Variants in LYPD6 observed in about 807,000 individuals in gnomAD.
The protein encoded by LYPD6 is LY6/PLAUR domain containing 6, also known as ly6/PLAUR domain-containing protein 6.
A neutral mutation model predicts 22.7 loss-of-function variants in LYPD6; 15 were observed. The observed-to-expected ratio is 0.66, with a 90% confidence interval of 0.44 to 1.02. The LOEUF is 1.02. Among genes scored for constraint, LYPD6 ranks in the 50% least tolerant of loss-of-function variants. The pLI is 0.00. For synonymous variants in LYPD6, 72 were observed against 77.5 expected (o/e 0.93, Z 0.37); for missense variants, 189 against 208.4 (o/e 0.91, Z 0.57).
At chr2:149,369,669 G>A (rs1451899946) in intron 1 of LYPD6, among the ~76,000 whole-genome samples, 1 of 152,074 alleles carries the variant, frequency 6.6e-6, no homozygotes, top group African/African-American at 2.4e-5. Context: ...CAGGAAGAGG[G>A]GTCAAAAAAG....
intron 2 of LYPD6, among the ~76,000 whole-genome samples, chr2:149,444,469 A>C (rs183200352): frequency 6.6e-6 from 1 of 152,220 alleles, no homozygotes; most frequent in African/African-American, 2.4e-5. Flanking sequence ...AAGATTTCTC[A>C]GTAGCATGTG....
chr2:149,398,401 G>A (rs1682472879), intron 1 of LYPD6, among the ~76,000 whole-genome samples: 2 of 141,826 alleles, frequency 1.4e-5, no homozygotes, highest in Non-Finnish European at 3.0e-5. Context: ...GATGGGAATA[G>A]CAAAGATGGC....
intron 1 of LYPD6, among the ~76,000 whole-genome samples, chr2:149,362,964 T>A (rs1681599024): frequency 6.6e-6 from 1 of 152,142 alleles, no homozygotes; most frequent in Admixed American, 6.5e-5. Flanking sequence ...ACCTCTTAGA[T>A]GAGGGTCAAT....
At chr2:149,398,012 T>G (rs1666365054) in intron 1 of LYPD6, among the ~76,000 whole-genome samples, 2 of 152,158 alleles carry the variant, frequency 1.3e-5, no homozygotes, top group South Asian at 4.1e-4. Context: ...AAAAAACAAC[T>G]AACTAGAATT....
At position 149,406,266 on chromosome 2, in the gene LYPD6, T is replaced by TGAGTTCAA. The variant is rs1682704957; in HGVS notation, c.-71-31371_-71-31364dup. Among the ~76,000 whole-genome samples the TGAGTTCAA allele has an allele frequency of 2.0e-5, 3 of 152,228 alleles. No homozygotes were observed. In the South Asian group the frequency reaches 6.2e-4, roughly 32 times the overall value. On this transcript the variant is annotated intron_variant, in intron 1 of 4. Coordinates refer to ENST00000334166, the MANE Select transcript of LYPD6 (RefSeq NM_194317.5). The stretch of plus-strand genomic sequence containing the variant: ...CTATTAGGTCCACTTGGTGCAGAGC[T>TGAGTTCAA]GAGTTCAATTCCTGGGTATCTTGTT...
chr2:149,400,411 TG>T (rs1273124450), intron 1 of LYPD6, among the ~76,000 whole-genome samples: 1 of 152,126 alleles, frequency 6.6e-6, no homozygotes, highest in Non-Finnish European at 1.5e-5. Flanking sequence ...GATAAAAGGA[TG>T]GGGGCAGGGT....
chr2:149,432,290 A>T (rs1477404340), intron 1 of LYPD6, among the ~76,000 whole-genome samples: 1 of 152,256 alleles, frequency 6.6e-6, no homozygotes, highest in Non-Finnish European at 1.5e-5. Flanking sequence ...CCACACACAA[A>T]CATGTACATG....
In LYPD6 at chr2:149,360,954, G is replaced by T. The variant is rs139015130; in HGVS notation, c.-72+30232G>T. On this transcript the variant is annotated intron_variant, in intron 1 of 4. Transcript: ENST00000334166. ...CACCTCAGTTTGAGCACACATCAGTGCTCAATTCTATGCATGCGTAGGAAA... is the reference window on the plus strand; with the variant it reads ...CACCTCAGTTTGAGCACACATCAGTTCTCAATTCTATGCATGCGTAGGAAA... Among the ~76,000 whole-genome samples the T allele has an allele frequency of 5.1e-4, 77 of 152,214 alleles. No homozygotes were observed. The East Asian group carries it at 0.013, about 26-fold the overall frequency.
At chr2:149,392,961 G>T (rs990134529) in intron 1 of LYPD6, among the ~76,000 whole-genome samples, 2 of 152,190 alleles carry the variant, frequency 1.3e-5, no homozygotes, top group African/African-American at 4.8e-5. Flanking sequence ...GGGAAGCAGA[G>T]GATGCAGTGA....
intron 3 of LYPD6, among the ~76,000 whole-genome samples, chr2:149,457,459 A>G (rs1392543075): frequency 3.9e-5 from 6 of 152,188 alleles, no homozygotes; most frequent in Non-Finnish European, 8.8e-5. Context: ...TGCAGACACC[A>G]ACAAGAATGG....
chr2:149,351,650 C>T lies in LYPD6; in HGVS notation c.-72+20928C>T, dbSNP rs186349125. 2.5e-3 allele frequency among the ~76,000 whole-genome samples: 385 copies of T among 152,052 alleles called. 5 individuals are homozygous for T. Among genetic ancestry groups the T allele is most frequent in the South Asian group, 0.022 (107 of 4,810 alleles). Reference sequence around the variant, plus strand: ...ATTGAAGGTCTACCATGCACCTTCACGTAAATACAAAATGTGTATGTATTG... The same window carrying T: ...ATTGAAGGTCTACCATGCACCTTCATGTAAATACAAAATGTGTATGTATTG... On this transcript the variant is annotated intron_variant, in intron 1 of 4. Coordinates refer to ENST00000334166, the MANE Select transcript of LYPD6 (RefSeq NM_194317.5).
Position 149,471,602 on chromosome 2 carries a change from C to G in LYPD6, c.*752C>G, listed in dbSNP as rs1382716800. 1 of 152,170 alleles carries G rather than the reference C, an allele frequency of 6.6e-6. No individual in the cohort carries two copies. The highest frequency in any genetic ancestry group is 6.5e-5 in the Admixed American group (1 of 15,274). The allele number at this position is 152,170 out of a possible 1,614,324, so 9.4% of individuals were successfully genotyped here. A position where few individuals can be genotyped will look rare whatever the true frequency, so the allele number is the denominator to read the frequency against. ...GATCAGCCTTCTCCTTGACTTGGCA[C>G]CTAATTATGCTTCATGAGATCCTAG... On this transcript the variant is annotated 3_prime_UTR_variant, in exon 5 of 5. Coordinates refer to ENST00000334166, the MANE Select transcript of LYPD6 (RefSeq NM_194317.5).
At chr2:149,395,698 C>T (rs1682414136) in intron 1 of LYPD6, among the ~76,000 whole-genome samples, 1 of 152,134 alleles carries the variant, frequency 6.6e-6, no homozygotes, top group African/African-American at 2.4e-5. Context: ...ATAATGATAA[C>T]AGCAGGTATC....
intron 1 of LYPD6, among the ~76,000 whole-genome samples, chr2:149,393,419 A>T (rs1459393352): frequency 6.6e-6 from 1 of 152,154 alleles, no homozygotes; most frequent in Admixed American, 6.5e-5. Flanking sequence ...CTGTGTGATG[A>T]TAACAGGGTA....
chr2:149,423,157 A>G (rs1323704150), intron 1 of LYPD6, among the ~76,000 whole-genome samples: 1 of 151,952 alleles, frequency 6.6e-6, no homozygotes, highest in Non-Finnish European at 1.5e-5. Context: ...ATGTACCTGG[A>G]GGATCAGCTG....
At chr2:149,406,049 T>G (rs982316931) in intron 1 of LYPD6, among the ~76,000 whole-genome samples, 3 of 150,842 alleles carry the variant, frequency 2.0e-5, no homozygotes, top group Non-Finnish European at 3.0e-5. Flanking sequence ...CGGTTTTGAG[T>G]GAGTTTCTTA....
In LYPD6 at chr2:149,449,108, G is replaced by A; in HGVS notation, c.178G>A (p.Glu60Lys). 6.2e-7 allele frequency: 1 copy of A among 1,613,486 alleles called. No homozygotes were observed. Among genetic ancestry groups the A allele is most frequent in the Non-Finnish European group, 8.5e-7 (1 of 1,179,718 alleles). Residue 60 changes from glutamate to lysine, a missense_variant, in exon 3 of 5, where the codon GAG (glutamate) becomes AAG (lysine). By Grantham distance (56) the Glu-to-Lys change is moderately conservative (BLOSUM62 1). Transcript: ENST00000334166. The part of the protein sequence containing the change: ...FTCEKAADNY[E>K]CNRWAPDIYC... ...CTGTGAAAAGGCAGCAGACAATTAT[G>A]AGTGCAACCGATGGGCTCCAGACAT...
intron 1 of LYPD6, among the ~76,000 whole-genome samples, chr2:149,350,253 T>C (rs2105057933): frequency 6.6e-6 from 1 of 152,368 alleles, no homozygotes; most frequent in Non-Finnish European, 1.5e-5. Context: ...TTGTTTTTAT[T>C]CTGTCAAAGG....
intron 1 of LYPD6, among the ~76,000 whole-genome samples, chr2:149,356,090 T>C (rs1261048302): frequency 6.6e-6 from 1 of 152,150 alleles, no homozygotes; most frequent in East Asian, 1.9e-4. Context: ...TCCCACTTTT[T>C]TTTTTTTTTC....
Sources: gnomAD v4.1 joint callset for allele counts (sites outside exome capture counted in the v4.1 genomes callset) on GRCh38, gnomAD v4.1.1 for gene constraint, MANE v1.5 for transcripts, NCBI Gene and HGNC (gene_info 2026-07-23, HGNC 2026-07-21) for gene names.